The following SAMD12 variants were observed in gnomAD, a reference collection of about 807,000 sequenced individuals.
The protein encoded by SAMD12 is sterile alpha motif domain containing 12.
A neutral mutation model predicts 15.0 loss-of-function variants in SAMD12; 9 were observed. The ratio of observed to expected loss-of-function variants is 0.60; its 90% CI spans 0.36 to 1.05. The LOEUF (loss-of-function observed/expected upper bound fraction) is 1.05. Among genes scored for constraint, SAMD12 ranks in the 50% least tolerant of loss-of-function variants. The pLI is 0.01. For missense variants in SAMD12, 230 were observed against 234.2 expected, an observed-to-expected ratio of 0.98 and a Z score of 0.12; for synonymous variants, 86 against 90.1, an observed-to-expected ratio of 0.96 and a Z score of 0.25.
chr8:118,155,974 T>C, the SAMD12 span, among the ~76,000 whole-genome samples: 1 of 152,250 alleles, frequency 6.6e-6, no homozygotes, highest in Non-Finnish European at 1.5e-5. Context: ...ATTAAATTCT[T>C]TCTGTATCAT....
At chr8:118,401,123 T>C (rs1820848043) in intron 3 of SAMD12, among the ~76,000 whole-genome samples, 1 of 152,222 alleles carries the variant, frequency 6.6e-6, no homozygotes, top group Non-Finnish European at 1.5e-5. Context: ...TGGTTTGGGT[T>C]GTATTTTCCA....
At position 118,302,077 on chromosome 8, in the gene SAMD12, A is replaced by AGTTTTTTTTTTTT. The variant is rs1815062809; in HGVS notation, c.433+77470_433+77482dup. ...CATTTTCTAGCGCCAGATCTTTGAG[A>AGTTTTTTTTTTTT]GTTTTTTTTTTTTTTTTTTTTTTTT... is the stretch of plus-strand genomic sequence containing the variant. On this transcript the variant is annotated intron_variant, in intron 4 of 4. Coordinates refer to the SAMD12 transcript ENST00000409003. 4.2e-5 allele frequency among the ~76,000 whole-genome samples: 3 copies of AGTTTTTTTTTTTT among 70,962 alleles called. 1 individual carries two copies. The highest frequency in any genetic ancestry group is 1.8e-4 in the African/African-American group (2 of 11,020). The allele number at this position is 70,962 out of a possible 152,430, so 46.6% of individuals were successfully genotyped here.
chr8:118,523,168 G>C (rs1365210949), intron 2 of SAMD12, among the ~76,000 whole-genome samples: 1 of 152,164 alleles, frequency 6.6e-6, no homozygotes, highest in African/African-American at 2.4e-5. Context: ...ATTAGCTCTG[G>C]GAGTCACAAA....
At chr8:118,312,954 G>C (rs1177022362) in intron 4 of SAMD12, among the ~76,000 whole-genome samples, 1 of 152,134 alleles carries the variant, frequency 6.6e-6, no homozygotes, top group African/African-American at 2.4e-5. Context: ...TACTACTAAG[G>C]AATCTTGTCC....
At chr8:118,443,422 T>C (rs1822814164) in intron 2 of SAMD12, among the ~76,000 whole-genome samples, 1 of 151,992 alleles carries the variant, frequency 6.6e-6, no homozygotes, top group Non-Finnish European at 1.5e-5. Context: ...CGTGCCATTG[T>C]ACACCAGCCT....
At chr8:118,513,958 T>G (rs1825156690) in intron 2 of SAMD12, among the ~76,000 whole-genome samples, 1 of 152,216 alleles carries the variant, frequency 6.6e-6, no homozygotes, top group Non-Finnish European at 1.5e-5. Flanking sequence ...GGTCAAAAGT[T>G]TCTAGAAAAC....
At chr8:118,584,292 C>T (rs191204234) in intron 1 of SAMD12, among the ~76,000 whole-genome samples, 1 of 152,230 alleles carries the variant, frequency 6.6e-6, no homozygotes, top group East Asian at 1.9e-4. Context: ...TTTCATGTCC[C>T]TAATATTTAC....
intron 2 of SAMD12, among the ~76,000 whole-genome samples, chr8:118,568,468 A>G (rs1433711716): frequency 6.6e-6 from 1 of 152,220 alleles, no homozygotes; most frequent in Non-Finnish European, 1.5e-5. Flanking sequence ...TTTGAGCAGA[A>G]GAGGGACATG....
intron 1 of SAMD12, among the ~76,000 whole-genome samples, chr8:118,600,663 A>G (rs1827838077): frequency 6.6e-6 from 1 of 152,196 alleles, no homozygotes; most frequent in Non-Finnish European, 1.5e-5. Flanking sequence ...AAAAATAATT[A>G]TACATGTAGT....
chr8:118,474,013 C>T (rs1274833556), intron 2 of SAMD12, among the ~76,000 whole-genome samples: 2 of 152,170 alleles, frequency 1.3e-5, no homozygotes, highest in Non-Finnish European at 2.9e-5. Context: ...GGCTGGAATT[C>T]AGTGGTGTGA....
intron 2 of SAMD12, among the ~76,000 whole-genome samples, chr8:118,509,896 G>A (rs1048107831): frequency 1.3e-5 from 2 of 152,066 alleles, no homozygotes; most frequent in Admixed American, 6.5e-5. Flanking sequence ...AATTGTTAAC[G>A]TACAACAGAT....
At chr8:118,375,417 C>A (rs1225365994), downstream of SAMD12, among the ~76,000 whole-genome samples, 1 of 151,986 alleles carries the variant, frequency 6.6e-6, no homozygotes, top group African/African-American at 2.4e-5. Context: ...GAATTTTAAG[C>A]CTTAAGTGGG....
intron 2 of SAMD12, among the ~76,000 whole-genome samples, chr8:118,463,743 A>G (rs991128072): frequency 1.3e-5 from 2 of 152,104 alleles, no homozygotes; most frequent in Non-Finnish European, 2.9e-5. Flanking sequence ...CCAACATCCC[A>G]CACGCTTGGC....
the SAMD12 span, among the ~76,000 whole-genome samples, chr8:118,171,446 C>T: frequency 6.6e-6 from 1 of 152,146 alleles, no homozygotes; most frequent in African/African-American, 2.4e-5. Flanking sequence ...AGTCCATCAA[C>T]TGATGAATGA....
intron 3 of SAMD12, among the ~76,000 whole-genome samples, chr8:118,417,232 C>T (rs957223012): frequency 6.6e-6 from 1 of 151,934 alleles, no homozygotes; most frequent in Non-Finnish European, 1.5e-5. Context: ...AGGTGTGCCC[C>T]CCTATGCCAA....
At chr8:118,272,923 G>A (rs1009345487) in intron 4 of SAMD12, among the ~76,000 whole-genome samples, 3 of 152,154 alleles carry the variant, frequency 2.0e-5, no homozygotes, top group African/African-American at 7.2e-5. Context: ...AGTTCCAAAT[G>A]TTCACACATT....
At chr8:118,584,904 C>T (rs891524718) in intron 1 of SAMD12, among the ~76,000 whole-genome samples, 35 of 147,798 alleles carry the variant, frequency 2.4e-4, no homozygotes, top group Non-Finnish European at 3.9e-4. Context: ...TTTAATCCAA[C>T]AATTCAACTT....
chr8:118,353,004 G>A (rs779894111), intron 4 of SAMD12, among the ~76,000 whole-genome samples: 8 of 152,032 alleles, frequency 5.3e-5, no homozygotes, highest in South Asian at 4.2e-4. Context: ...AGAATACAAG[G>A]AAAATAAAAA....
intron 2 of SAMD12, among the ~76,000 whole-genome samples, chr8:118,504,080 A>C (rs1157737294): frequency 6.6e-6 from 1 of 152,016 alleles, no homozygotes; most frequent in Non-Finnish European, 1.5e-5. Context: ...GGAATCCCCT[A>C]TTCCCTTACT....
Sources: gnomAD v4.1 joint callset for allele counts (sites outside exome capture counted in the v4.1 genomes callset) on GRCh38, gnomAD v4.1.1 for gene constraint, MANE v1.5 for transcripts, NCBI Gene and HGNC (gene_info 2026-07-23, HGNC 2026-07-21) for gene names.